The following ATG10 variants were observed in gnomAD, a reference collection of about 807,000 sequenced individuals.
ATG10 encodes autophagy related 10.
A neutral mutation model predicts 32.1 loss-of-function variants in ATG10; 30 were observed. The observed-to-expected ratio is 0.94, with a 90% confidence interval of 0.70 to 1.27. The LOEUF (loss-of-function observed/expected upper bound fraction) is 1.27, where lower values mean the gene tolerates loss of function less well. Ranked by LOEUF, ATG10 falls within the 50% of genes most tolerant of loss-of-function variation. The pLI is 0.00. For missense variants in ATG10, 233 were observed against 262.3 expected, an observed-to-expected ratio of 0.89 and a Z score of 0.77; for synonymous variants, 87 against 91.5, an observed-to-expected ratio of 0.95 and a Z score of 0.28.
At chr5:82,032,241 T>G (rs16899342) in intron 2 of ATG10, among the ~76,000 whole-genome samples, 3,147 of 152,340 alleles carry the variant, frequency 0.021, 106 homozygotes, top group African/African-American at 0.072. Flanking sequence ...ATGGTTAGAC[T>G]CAGAGTTTAT....
At chr5:82,088,426 AT>A (rs1386356551) in intron 3 of ATG10, among the ~76,000 whole-genome samples, 1 of 152,162 alleles carries the variant, frequency 6.6e-6, no homozygotes, top group Non-Finnish European at 1.5e-5. Flanking sequence ...AAATTAGAAA[AT>A]TGTTGAAATA....
intron 5 of ATG10, among the ~76,000 whole-genome samples, chr5:82,225,656 G>A (rs1049496046): frequency 1.3e-5 from 2 of 152,150 alleles, no homozygotes; most frequent in Non-Finnish European, 2.9e-5. Flanking sequence ...CGATGCCAAA[G>A]CCCTTTACAG....
At chr5:82,224,102 C>T (rs892716764) in intron 5 of ATG10, among the ~76,000 whole-genome samples, 1 of 152,116 alleles carries the variant, frequency 6.6e-6, no homozygotes, top group Non-Finnish European at 1.5e-5. Flanking sequence ...ATAGTAGAAC[C>T]TTTGTTGTTG....
At chr5:82,160,430 C>T (rs1743270290) in intron 3 of ATG10, among the ~76,000 whole-genome samples, 1 of 152,128 alleles carries the variant, frequency 6.6e-6, no homozygotes, top group South Asian at 2.1e-4. Flanking sequence ...TTGAAGGACA[C>T]CTCATTGTTT....
intron 5 of ATG10, among the ~76,000 whole-genome samples, chr5:82,196,259 T>C (rs1380355361): frequency 6.6e-6 from 1 of 151,930 alleles, no homozygotes; most frequent in Non-Finnish European, 1.5e-5. Flanking sequence ...GTGATGAGAG[T>C]TTTAAAGTAT....
At chr5:81,981,065 G>A (rs1761033179) in intron 1 of ATG10, among the ~76,000 whole-genome samples, 1 of 152,178 alleles carries the variant, frequency 6.6e-6, no homozygotes, top group South Asian at 2.1e-4. Flanking sequence ...TGAGCCTGCT[G>A]GTCATCTGTT....
rs1561244261 is a variant in ATG10 at position 81,993,379 on chromosome 5, T to TTTC, written c.108+5703_108+5704insCTT. On this transcript the variant is annotated intron_variant, in intron 2 of 7. Coordinates refer to ENST00000282185, the MANE Select transcript of ATG10 (RefSeq NM_031482.5). ...TCTTTCCTTCTTTTCTTTTCTTTTCTTTTCTTTTCTTTTTTTTTCTTTTCT... is the reference window on the plus strand; with the variant it reads ...TCTTTCCTTCTTTTCTTTTCTTTTCTTTCTTTCTTTTCTTTTTTTTTCTTTTCT... Among the ~76,000 whole-genome samples the TTTC allele has an allele frequency of 1.3e-3, 76 of 58,312 alleles. 2 individuals carry two copies. The highest frequency in any genetic ancestry group is 5.7e-3 in the African/African-American group (52 of 9,192). The allele number at this position is 58,312 out of a possible 152,430, so 38.3% of individuals were successfully genotyped here.
chr5:82,031,155 G>A (rs1762732516), intron 2 of ATG10, among the ~76,000 whole-genome samples: 1 of 152,146 alleles, frequency 6.6e-6, no homozygotes, highest in Admixed American at 6.5e-5. Flanking sequence ...CATTTAGAAT[G>A]CTTTCAGAGG....
intron 2 of ATG10, among the ~76,000 whole-genome samples, chr5:82,015,025 G>T (rs957417899): frequency 6.6e-6 from 1 of 152,134 alleles, no homozygotes; most frequent in African/African-American, 2.4e-5. Context: ...CAGGCCTGGT[G>T]GTGACAAAAT....
At chr5:82,056,984 T>C (rs1263728247) in intron 2 of ATG10, among the ~76,000 whole-genome samples, 1 of 151,246 alleles carries the variant, frequency 6.6e-6, no homozygotes, top group African/African-American at 2.4e-5. Context: ...AGAGCTGGAA[T>C]TTAAAACAGT....
At chr5:82,187,839 C>T (rs1316498977) in intron 5 of ATG10, among the ~76,000 whole-genome samples, 3 of 152,058 alleles carry the variant, frequency 2.0e-5, no homozygotes, top group African/African-American at 2.4e-5. Context: ...CCACCCACCT[C>T]GGCCTCCCAA....
At chr5:82,180,963 A>G (rs1297105960) in intron 5 of ATG10, among the ~76,000 whole-genome samples, 2 of 152,162 alleles carry the variant, frequency 1.3e-5, no homozygotes, top group African/African-American at 4.8e-5. Flanking sequence ...GAACTCTTAC[A>G]TTGTTAAACT....
intron 1 of ATG10, among the ~76,000 whole-genome samples, chr5:81,984,183 G>C (rs994181191): frequency 6.6e-6 from 1 of 152,254 alleles, no homozygotes; most frequent in Non-Finnish European, 1.5e-5. Flanking sequence ...CCGGCACCTC[G>C]GGAGGCCGAG....
intron 3 of ATG10, among the ~76,000 whole-genome samples, chr5:82,094,678 C>T (rs1764996076): frequency 6.6e-6 from 1 of 151,902 alleles, no homozygotes; most frequent in Non-Finnish European, 1.5e-5. Flanking sequence ...ACTTGAATGT[C>T]AATTATTAGT....
chr5:82,164,679 A>C, intron 4 of ATG10, 142 bp downstream of exon 4: 2 of 742,826 alleles, frequency 2.7e-6, no homozygotes, highest in Non-Finnish European at 4.2e-6. Context: ...TTTACCACTA[A>C]ATTTTCTCAT....
At chr5:82,177,590 G>A (rs1744081422) in intron 4 of ATG10, among the ~76,000 whole-genome samples, 1 of 152,072 alleles carries the variant, frequency 6.6e-6, no homozygotes, top group South Asian at 2.1e-4. Flanking sequence ...CTTCTTTCCA[G>A]TAGTGTATGG....
rs538474715 is a variant in ATG10 at position 82,055,000 on chromosome 5, C to T, written c.109-3495C>T. On this transcript the variant is annotated intron_variant, in intron 2 of 7. Transcript: ENST00000282185. ...GCCAAGGGGGAATTTGAGTTGACAT[C>T]GTTTTTTCCTGGGCTGGGTGGACTG... is the stretch of plus-strand genomic sequence containing the variant. Among the ~76,000 whole-genome samples the T allele has an allele frequency of 1.2e-3, 178 of 152,192 alleles. 2 individuals carry two copies. Among genetic ancestry groups the T allele is most frequent in the Admixed American group, 2.3e-3 (35 of 15,268 alleles).
chr5:82,188,621 C>G (rs1044520854), intron 5 of ATG10, among the ~76,000 whole-genome samples: 1 of 151,900 alleles, frequency 6.6e-6, no homozygotes, highest in Non-Finnish European at 1.5e-5. Flanking sequence ...AGGTTAATGG[C>G]GGGTACACAA....
intron 5 of ATG10, among the ~76,000 whole-genome samples, chr5:82,207,168 A>AT (rs983739576): frequency 3.3e-4 from 50 of 152,308 alleles, no homozygotes; most frequent in Non-Finnish European, 1.0e-4. Context: ...TATTGGGTAT[A>AT]TATCAAGAAT....
Sources: gnomAD v4.1 joint callset for allele counts (sites outside exome capture counted in the v4.1 genomes callset) on GRCh38, gnomAD v4.1.1 for gene constraint, MANE v1.5 for transcripts, NCBI Gene and HGNC (gene_info 2026-07-23, HGNC 2026-07-21) for gene names.